Variants in SORCS3 observed in about 807,000 individuals in gnomAD.
SORCS3 encodes the protein sortilin related VPS10 domain containing receptor 3.
A neutral mutation model predicts 146.3 loss-of-function variants in SORCS3; 57 were observed. That is an observed-to-expected ratio of 0.39 (90% confidence interval 0.31 to 0.49). SORCS3 has a LOEUF of 0.49. SORCS3 is among the 20% of genes least tolerant of loss of function. The pLI is 0.92. For synonymous variants in SORCS3, 653 were observed against 618.5 expected, an observed-to-expected ratio of 1.06 and a Z score of -0.83; for missense variants, 1,341 against 1,575.5, an observed-to-expected ratio of 0.85 and a Z score of 2.52.
chr10:104,878,779 G>A (rs781483647), intron 2 of SORCS3, among the ~76,000 whole-genome samples: 2 of 152,202 alleles, frequency 1.3e-5, no homozygotes, highest in African/African-American at 2.4e-5. Flanking sequence ...TGCACTGTAT[G>A]TATTCCAAAT....
In SORCS3 at chr10:105,264,610, G is replaced by A. The variant is rs2056980876; in HGVS notation, c.*1236G>A. On this transcript the variant is annotated 3_prime_UTR_variant, in exon 27 of 27. Transcript: ENST00000369701. ...AGGGGTCTAGCCTTTAATGATATTA[G>A]TCAAAGGCAATTTTAGCAAAGCTGT... 6.6e-6 allele frequency: 1 copy of A among 152,592 alleles called. No homozygotes were observed. The highest frequency in any genetic ancestry group is 1.9e-4 in the East Asian group (1 of 5,174). The allele number at this position is 152,592 out of a possible 1,614,324, so 9.5% of individuals were successfully genotyped here.
chr10:105,256,963 G>T (rs760373415), intron 25 of SORCS3, 39 bp downstream of exon 25: 1 of 1,415,888 alleles, frequency 7.1e-7, no homozygotes, highest in Non-Finnish European at 1.0e-6. Context: ...GTGGGGTTGG[G>T]GTCATTGCAA....
chr10:104,811,917 C>T (rs1039612391), intron 1 of SORCS3, among the ~76,000 whole-genome samples: 3 of 152,042 alleles, frequency 2.0e-5, no homozygotes, highest in Admixed American at 1.3e-4. Context: ...TGATGGATAC[C>T]CTGAAAGCCC....
chr10:104,659,432 C>A (rs1297951608), intron 1 of SORCS3, among the ~76,000 whole-genome samples: 1 of 152,194 alleles, frequency 6.6e-6, no homozygotes, highest in African/African-American at 2.4e-5. Context: ...CTGTAACACT[C>A]TGATGCCCAT....
chr10:105,171,446 G>T (rs1323924355), intron 13 of SORCS3, among the ~76,000 whole-genome samples: 2 of 152,162 alleles, frequency 1.3e-5, no homozygotes, highest in Non-Finnish European at 2.9e-5. Context: ...GCAGGTAGAC[G>T]AGGGTGTGAC....
At chr10:105,168,263 G>T (rs2056331313) in intron 13 of SORCS3, among the ~76,000 whole-genome samples, 1 of 152,162 alleles carries the variant, frequency 6.6e-6, no homozygotes, top group African/African-American at 2.4e-5. Flanking sequence ...GTAAGATTAT[G>T]AAATGGAGCT....
chr10:104,645,823 A>G (rs1251815095), intron 1 of SORCS3, among the ~76,000 whole-genome samples: 2 of 152,228 alleles, frequency 1.3e-5, no homozygotes, highest in Non-Finnish European at 2.9e-5. Flanking sequence ...AGATTTGATC[A>G]GATTAATTGT....
chr10:104,994,884 G>A (rs1165323002), intron 4 of SORCS3, among the ~76,000 whole-genome samples: 1 of 152,170 alleles, frequency 6.6e-6, no homozygotes, highest in East Asian at 1.9e-4. Flanking sequence ...GGAAAATAAA[G>A]TTGCAATGAG....
chr10:105,071,669 G>A (rs533533998), intron 5 of SORCS3, among the ~76,000 whole-genome samples: 4 of 152,260 alleles, frequency 2.6e-5, no homozygotes, highest in East Asian at 3.9e-4. Flanking sequence ...TTTGAGTTAT[G>A]TACAATCCAG....
chr10:105,221,271 C>T (rs2056700852), intron 19 of SORCS3, among the ~76,000 whole-genome samples: 2 of 152,202 alleles, frequency 1.3e-5, no homozygotes, highest in African/African-American at 2.4e-5. Flanking sequence ...ACTGTCCAAA[C>T]ACTTTCCCCT....
At position 104,829,518 on chromosome 10, in the gene SORCS3, T is replaced by A. The variant is rs568160995; in HGVS notation, c.628-13274T>A. On this transcript the variant is annotated intron_variant, in intron 1 of 26. Transcript: ENST00000369701. ...TTCTAGTATGGCTAAAATTCAGTGG[T>A]CATTTGGGAAAGTGGCTCTAGAAGA... Among the ~76,000 whole-genome samples the A allele has an allele frequency of 3.9e-5, 6 of 152,264 alleles. No homozygotes were observed. In the East Asian group the frequency reaches 1.2e-3, roughly 29 times the overall value.
chr10:104,932,919 C>A (rs2019221956), intron 3 of SORCS3, among the ~76,000 whole-genome samples: 1 of 151,970 alleles, frequency 6.6e-6, no homozygotes, highest in Middle Eastern at 3.2e-3. Context: ...AAAATAGAGA[C>A]AGGGTCTTGC....
intron 4 of SORCS3, among the ~76,000 whole-genome samples, chr10:104,997,579 G>T (rs1431993307): frequency 2.0e-5 from 3 of 152,124 alleles, no homozygotes; most frequent in East Asian, 1.9e-4. Context: ...GGTACATCAG[G>T]GATTGAGGGT....
rs571235093 is a variant in SORCS3 at position 105,205,018 on chromosome 10, G to T, written c.2261+3765G>T. 3.2e-4 allele frequency among the ~76,000 whole-genome samples: 48 copies of T among 152,152 alleles called. 2 individuals carry two copies. The highest frequency in any genetic ancestry group is 3.1e-3 in the South Asian group (15 of 4,824). ...CTAGCAGGAAGTATTATTAGCTAAGGCATCTGAAATACCCAGTACAGTTAG... is the reference window on the plus strand; with the variant it reads ...CTAGCAGGAAGTATTATTAGCTAAGTCATCTGAAATACCCAGTACAGTTAG... On this transcript the variant is annotated intron_variant, in intron 16 of 26. Transcript: ENST00000369701.
rs187241819 is a variant in SORCS3 at position 104,653,754 on chromosome 10, A to C, written c.627+11800A>C. Reference sequence around the variant, plus strand: ...ATATGCATTGCATAATAATCACATCATGGAAGATGGGATATCTATCCATTC... The same window carrying C: ...ATATGCATTGCATAATAATCACATCCTGGAAGATGGGATATCTATCCATTC... On this transcript the variant is annotated intron_variant, in intron 1 of 26. Coordinates refer to ENST00000369701, the MANE Select transcript of SORCS3 (RefSeq NM_014978.3). Among the ~76,000 whole-genome samples, 197 of 152,352 alleles carry C rather than the reference A, an allele frequency of 1.3e-3. 1 individual carries two copies. The highest frequency in any genetic ancestry group is 4.5e-3 in the African/African-American group (187 of 41,584).
chr10:105,179,248 G>C (rs556871221), intron 14 of SORCS3, among the ~76,000 whole-genome samples: 2 of 152,194 alleles, frequency 1.3e-5, no homozygotes, highest in South Asian at 4.2e-4. Context: ...ACATGACCTG[G>C]TATTCCCTAG....
chr10:104,693,864 T>A (rs2016143330), intron 1 of SORCS3, among the ~76,000 whole-genome samples: 1 of 152,160 alleles, frequency 6.6e-6, no homozygotes, highest in Admixed American at 6.6e-5. Flanking sequence ...TGTGCATTCC[T>A]CTCCCATCCA....
intron 1 of SORCS3, among the ~76,000 whole-genome samples, chr10:104,797,189 G>A (rs757191875): frequency 5.9e-5 from 9 of 152,068 alleles, no homozygotes; most frequent in Non-Finnish European, 7.4e-5. Context: ...TGCAAGACTC[G>A]GGGCTAAGAA....
At chr10:104,673,560 G>C (rs1229714737) in intron 1 of SORCS3, among the ~76,000 whole-genome samples, 2 of 151,810 alleles carry the variant, frequency 1.3e-5, no homozygotes, top group Non-Finnish European at 2.9e-5. Flanking sequence ...AATTCCTGGG[G>C]ACAAGTGATC....
Sources: allele counts gnomAD v4.1 joint callset (sites outside exome capture counted in the v4.1 genomes callset), GRCh38; gene constraint gnomAD v4.1.1; transcripts MANE v1.5; gene names NCBI Gene and HGNC (gene_info 2026-07-23, HGNC 2026-07-21).